GLIS1: variants seen among roughly 807,000 people sequenced by gnomAD.
GLIS1 encodes the protein zinc finger protein GLIS1.
GLIS1 carries 24 observed loss-of-function variants against 63.8 expected under a neutral mutation model. The observed-to-expected ratio is 0.38, with a 90% CI of 0.27 to 0.53. GLIS1 has a LOEUF of 0.53. GLIS1 is among the 20% of genes least tolerant of loss of function. The pLI, the probability that GLIS1 is intolerant of heterozygous loss-of-function variation, is 0.85. For synonymous variants in GLIS1, 450 were observed against 482.5 expected, an observed-to-expected ratio of 0.93 and a Z score of 0.88; for missense variants, 1,036 against 1,074.1, an observed-to-expected ratio of 0.96 and a Z score of 0.50.
rs184554996 is a variant in GLIS1 at position 53,594,454 on chromosome 1, G to C, written c.974C>G (p.Ala325Gly). The change falls in exon 4 of 11, where the codon GCG becomes GGG. Residue 325 changes from alanine to glycine, a missense_variant. Coordinates refer to ENST00000628545, the MANE Select transcript of GLIS1 (RefSeq NM_001367484.1). ...CCCAAAGAGCTCTGAAAACTCATCCGCGGGTTCCTGCTTCAGGAAGCTCGC... is the reference window on the plus strand; with the variant it reads ...CCCAAAGAGCTCTGAAAACTCATCCCCGGGTTCCTGCTTCAGGAAGCTCGC... ...RKASFLKQEP[A>G]DEFSELFGPH... 2.5e-6 allele frequency: 4 copies of C among 1,612,846 alleles called. No homozygotes were observed. The highest frequency in any genetic ancestry group is 2.7e-5 in the African/African-American group (2 of 74,960).
At chr1:53,736,889 T>C (rs1205599763) in intron 2 of GLIS1, among the ~76,000 whole-genome samples, 1 of 152,082 alleles carries the variant, frequency 6.6e-6, no homozygotes, top group African/African-American at 2.4e-5. Flanking sequence ...ACCCAAACTG[T>C]TTTTGTCTTC....
chr1:53,573,685 C>T (rs776168218), intron 4 of GLIS1, among the ~76,000 whole-genome samples: 18 of 152,202 alleles, frequency 1.2e-4, no homozygotes, highest in Non-Finnish European at 1.9e-4. Context: ...CAGTTAGAGA[C>T]GTGGTGTGAG....
chr1:53,646,707 G>A lies in GLIS1; in HGVS notation c.260-46429C>T, dbSNP rs921251311. Among the ~76,000 whole-genome samples, 46 of 152,232 alleles carry A rather than the reference G, an allele frequency of 3.0e-4. No homozygotes were observed. The highest frequency in any genetic ancestry group is 1.1e-3 in the African/African-American group (44 of 41,534). ...CATCTGTGGTCCCAGCTACTTGGGA[G>A]GCTAAGGGAGGAGGACTGTTTGAAC... On this transcript the variant is annotated intron_variant, in intron 2 of 10. Coordinates refer to ENST00000628545, the MANE Select transcript of GLIS1 (RefSeq NM_001367484.1). This position sits in a 1 kb window ranked among gnomAD's most constrained non-coding sequence, Gnocchi z 4.2.
chr1:53,709,270 CTTG>C (rs1045898051), intron 2 of GLIS1, among the ~76,000 whole-genome samples: 1 of 150,508 alleles, frequency 6.6e-6, no homozygotes, highest in Non-Finnish European at 1.5e-5. Context: ...TAAAAATATG[CTTG>C]TTAATTTAAA....
At chr1:53,664,599 T>C (rs2100373684) in intron 2 of GLIS1, among the ~76,000 whole-genome samples, 1 of 152,266 alleles carries the variant, frequency 6.6e-6, no homozygotes, top group South Asian at 2.1e-4. Flanking sequence ...GCCCTGGGGA[T>C]AGAGAGCAGT....
At chr1:53,546,798 A>G (rs1026108919) in intron 4 of GLIS1, among the ~76,000 whole-genome samples, 2 of 152,238 alleles carry the variant, frequency 1.3e-5, no homozygotes, top group Non-Finnish European at 1.5e-5. Context: ...GCTTCAGCTC[A>G]TAAGCCACCT....
At chr1:53,696,730 C>T (rs1037782675) in intron 2 of GLIS1, among the ~76,000 whole-genome samples, 3 of 152,198 alleles carry the variant, frequency 2.0e-5, no homozygotes, top group Non-Finnish European at 4.4e-5. Context: ...TGCTTTCCCA[C>T]CATTACACTT....
At chr1:53,656,141 A>G (rs1028139250) in intron 2 of GLIS1, among the ~76,000 whole-genome samples, 5 of 152,186 alleles carry the variant, frequency 3.3e-5, no homozygotes, top group African/African-American at 1.2e-4. Context: ...GAAAAGAGGA[A>G]GCACGGGGCA....
chr1:53,580,301 G>A (rs969340160), intron 4 of GLIS1, among the ~76,000 whole-genome samples: 2 of 152,104 alleles, frequency 1.3e-5, no homozygotes, highest in Non-Finnish European at 2.9e-5. Flanking sequence ...TCCCTTTCCC[G>A]AGCCCTACAG....
rs1644302934 is a variant in GLIS1, at chr1:53,511,996, ATC to A, written c.1884-1971_1884-1970del. ...ATGACACTAATAAATGAGTTTCTGA[ATC>A]TCTCAGTTGCAAATCCCAGAGATTA... is the stretch of plus-strand genomic sequence containing the variant. On this transcript the variant is annotated intron_variant, in intron 8 of 10. Coordinates refer to ENST00000628545, the MANE Select transcript of GLIS1 (RefSeq NM_001367484.1). This position sits in a 1 kb window ranked among gnomAD's most constrained non-coding sequence, Gnocchi z 4.2. 6.6e-6 allele frequency among the ~76,000 whole-genome samples: 1 copy of A among 152,214 alleles called. No individual in the cohort carries two copies. The highest frequency in any genetic ancestry group is 2.4e-5 in the African/African-American group (1 of 41,454).
intron 3 of GLIS1, among the ~76,000 whole-genome samples, chr1:53,597,417 G>A (rs1359722962): frequency 1.3e-5 from 2 of 149,940 alleles, no homozygotes; most frequent in African/African-American, 4.9e-5. Flanking sequence ...TGCACAGTAA[G>A]CACACCACCA....
chr1:53,597,176 TAAAAAAAAAAAA>T (rs57607550), intron 3 of GLIS1, among the ~76,000 whole-genome samples: 300 of 19,328 alleles, frequency 0.016, 3 homozygotes, highest in African/African-American at 0.036. Context: ...CTGTCTCTAC[TAAAAAAAAAAAA>T]AAAAAAAAAA....
intron 4 of GLIS1, among the ~76,000 whole-genome samples, chr1:53,547,930 G>T (rs1288901787): frequency 1.3e-5 from 2 of 152,154 alleles, no homozygotes; most frequent in Non-Finnish European, 2.9e-5. Flanking sequence ...GGAGGACTTG[G>T]TTTTTTCATC....
chr1:53,537,033 A>G lies in GLIS1; in HGVS notation c.1321-7081T>C, dbSNP rs192408601. Among the ~76,000 whole-genome samples, 15 of 152,316 alleles carry G rather than the reference A, an allele frequency of 9.8e-5. 1 individual carries two copies. The highest frequency in any genetic ancestry group is 3.6e-4 in the African/African-American group (15 of 41,582). ...TAGTGACAGGCAGGGGAAAATCAGA[A>G]CCTAATTGAAAAATGTCCACTGCAA... On this transcript the variant is annotated intron_variant, in intron 4 of 10. Transcript: ENST00000628545.
intron 4 of GLIS1, among the ~76,000 whole-genome samples, chr1:53,559,863 TAC>T (rs200742259): frequency 4.0e-5 from 6 of 151,826 alleles, no homozygotes; most frequent in South Asian, 2.1e-4. Context: ...ATCACACATA[TAC>T]ACACACACAC....
intron 4 of GLIS1, among the ~76,000 whole-genome samples, chr1:53,567,607 G>A (rs541554031): frequency 6.6e-6 from 1 of 152,312 alleles, no homozygotes; most frequent in South Asian, 2.1e-4. Context: ...CCCATTACAG[G>A]ACCAGAAGCT....
chr1:53,682,037 C>T (rs2100430257), intron 2 of GLIS1, among the ~76,000 whole-genome samples: 1 of 152,346 alleles, frequency 6.6e-6, no homozygotes, highest in East Asian at 1.9e-4. Flanking sequence ...TTCGTTGGCT[C>T]TTAGAAAATA....
intron 10 of GLIS1, among the ~76,000 whole-genome samples, chr1:53,508,831 G>A (rs539660709): frequency 5.9e-5 from 9 of 152,240 alleles, no homozygotes; most frequent in Non-Finnish European, 1.3e-4. Context: ...AAGTGAAGCA[G>A]TAATTAAACC....
At chr1:53,534,468 C>A (rs929841618) in intron 4 of GLIS1, among the ~76,000 whole-genome samples, 1 of 151,984 alleles carries the variant, frequency 6.6e-6, no homozygotes, top group African/African-American at 2.4e-5. Flanking sequence ...GACCCTGGAC[C>A]CCCACTGCAA....
Sources: gnomAD v4.1 joint callset for allele counts (sites outside exome capture counted in the v4.1 genomes callset) on GRCh38, gnomAD v4.1.1 for gene constraint, Gnocchi (gnomAD v3.1) non-coding constraint, MANE v1.5 for transcripts, NCBI Gene and HGNC (gene_info 2026-07-23, HGNC 2026-07-21) for gene names.